C12orf43: variants seen among roughly 807,000 people sequenced by gnomAD.
The protein encoded by C12orf43 is chromosome 12 open reading frame 43.
In C12orf43, 15 loss-of-function variants were observed where a neutral mutation model predicts 20.6. The ratio of observed to expected loss-of-function variants is 0.73; its 90% CI spans 0.49 to 1.12. The LOEUF is 1.12. Among genes scored for constraint, C12orf43 ranks in the 50% most tolerant of loss-of-function variants. The pLI, the probability that C12orf43 is intolerant of heterozygous loss-of-function variation, is 0.00. For synonymous variants in C12orf43, 144 were observed against 130.8 expected (o/e 1.10, Z -0.69); for missense variants, 334 against 344.4 (o/e 0.97, Z 0.24).
Position 121,003,838 on chromosome 12 carries a change from G to T in C12orf43, c.*315C>A, listed in dbSNP as rs1257850119. ...AGGGAGATGGAGGTTTCACCACTTG[G>T]CCACTAGTCTCAAATAACTGGAAGG... On this transcript the variant is annotated 3_prime_UTR_variant, in exon 6 of 6. Coordinates refer to ENST00000288757, the MANE Select transcript of C12orf43 (RefSeq NM_022895.3). 4.9e-6 allele frequency: 2 copies of T among 411,414 alleles called. No homozygotes were observed. The highest frequency in any genetic ancestry group is 9.0e-6 in the Non-Finnish European group (2 of 222,926). The allele number at this position is 411,414 out of a possible 1,614,324, so 25.5% of individuals were successfully genotyped here. A position where few individuals can be genotyped will look rare whatever the true frequency, so the allele number is the denominator to read the frequency against.
chr12:121,003,620 CA>C lies in C12orf43; in HGVS notation c.*532del, dbSNP rs1274777337. 2 of 154,244 alleles carry C rather than the reference CA, an allele frequency of 1.3e-5. No homozygotes were observed. Among genetic ancestry groups the C allele is most frequent in the South Asian group, 2.0e-4 (1 of 4,938 alleles). 9.6% of individuals were successfully genotyped at this position (154,244 alleles called of 1,614,324 possible). ...GCAGACAAAGAAAATTCTAGAAAGC[CA>C]GGGGTGAAAAAGCTCTCCTTTCTCA... On this transcript the variant is annotated 3_prime_UTR_variant, in exon 6 of 6. Transcript: ENST00000288757.
rs1486041558 is a variant in C12orf43, at chr12:121,001,807, G to A, written c.*2346C>T. 1.9e-6 allele frequency: 1 copy of A among 535,918 alleles called. No individual in the cohort carries two copies. The highest frequency in any genetic ancestry group is 3.6e-6 in the Non-Finnish European group (1 of 276,236). The allele number at this position is 535,918 out of a possible 1,614,324, so 33.2% of individuals were successfully genotyped here. A position where few individuals can be genotyped will look rare whatever the true frequency, so the allele number is the denominator to read the frequency against. ...CTGGGGCTCTAACGCCTGAGCCCAG[G>A]GAGGCCGAAGCTAACAGGGAAGGCA... On this transcript the variant is annotated 3_prime_UTR_variant, in exon 6 of 6. Coordinates refer to ENST00000288757, the MANE Select transcript of C12orf43 (RefSeq NM_022895.3).
chr12:121,014,145 C>A (rs199681764), intron 1 of C12orf43, among the ~76,000 whole-genome samples: 80 of 151,192 alleles, frequency 5.3e-4, no homozygotes, highest in African/African-American at 1.9e-3. Context: ...CTGGCCAACA[C>A]GGTGAAACCC....
chr12:121,010,058 T>G (rs1017165814), intron 3 of C12orf43, among the ~76,000 whole-genome samples: 2 of 152,152 alleles, frequency 1.3e-5, no homozygotes, highest in Non-Finnish European at 2.9e-5. Context: ...TCCCAGCACT[T>G]TGGGAGGCCA....
chr12:121,005,970 ACTTTG>A lies in C12orf43; in HGVS notation c.361+346_361+350del. On this transcript the variant is annotated intron_variant, in intron 4 of 5. Coordinates refer to ENST00000288757, the MANE Select transcript of C12orf43 (RefSeq NM_022895.3). This position sits in a 1 kb window ranked among gnomAD's most constrained non-coding sequence, Gnocchi z 5.6. Reference sequence around the variant, plus strand: ...GGTGGTGCACGCCTGTAGTCCCAGAACTTTGGAAGGCTAAGGTGGGCAGATGGCTT... The same window carrying A: ...GGTGGTGCACGCCTGTAGTCCCAGAAGAAGGCTAAGGTGGGCAGATGGCTT... 1 of 205,126 alleles carries A rather than the reference ACTTTG, an allele frequency of 4.9e-6. No homozygotes were observed. 12.7% of individuals were successfully genotyped at this position (205,126 alleles called of 1,614,324 possible).
In C12orf43 at chr12:121,001,615, G is replaced by A. The variant is rs556081386; in HGVS notation, c.*2538C>T. On this transcript the variant is annotated 3_prime_UTR_variant, in exon 6 of 6. Transcript: ENST00000288757. Reference sequence around the variant, plus strand: ...GGCCTGTGTAGCTGTGACCTGCTGAGCTCTGAGAGGCCCTGGATCAGCGTG... The same window carrying A: ...GGCCTGTGTAGCTGTGACCTGCTGAACTCTGAGAGGCCCTGGATCAGCGTG... The A allele has an allele frequency of 9.8e-5, 43 of 440,492 alleles. 2 individuals are homozygous for A. The highest frequency in any genetic ancestry group is 7.5e-4 in the South Asian group (37 of 49,130). 27.3% of individuals were successfully genotyped at this position (440,492 alleles called of 1,614,324 possible). A position where few individuals can be genotyped will look rare whatever the true frequency, so the allele number is the denominator to read the frequency against.
intron 1 of C12orf43, among the ~76,000 whole-genome samples, chr12:121,012,214 G>C (rs1353261403): frequency 1.3e-5 from 2 of 152,184 alleles, no homozygotes; most frequent in Non-Finnish European, 2.9e-5. Context: ...CAGAGGGAAA[G>C]CATCTGCAAA....
intron 1 of C12orf43, among the ~76,000 whole-genome samples, chr12:121,014,075 C>T (rs1868642852): frequency 6.6e-6 from 1 of 152,204 alleles, no homozygotes; most frequent in African/African-American, 2.4e-5. Context: ...TGCCTGTAAT[C>T]TCAGCACTTT....
intron 3 of C12orf43, 168 bp from the exon 4 acceptor site, chr12:121,006,562 T>C: frequency 1.6e-6 from 1 of 622,916 alleles, no homozygotes; most frequent in Non-Finnish European, 2.9e-6. Context: ...CTGACCAGCC[T>C]CTGCCACGCG....
At position 121,000,886 on chromosome 12, in the gene C12orf43, C is replaced by T; in HGVS notation, c.*3267G>A. On this transcript the variant is annotated 3_prime_UTR_variant, in exon 6 of 6. Transcript: ENST00000288757. ...GCCACTCCATGGGCGGCCGTGGACC[C>T]TGGCTGGGAGGCTCCCTTTGAAGAA... 1.2e-6 allele frequency: 1 copy of T among 801,940 alleles called. No individual in the cohort carries two copies. Among genetic ancestry groups the T allele is most frequent in the South Asian group, 1.6e-5 (1 of 64,228 alleles). The allele number at this position is 801,940 out of a possible 1,614,324, so 49.7% of individuals were successfully genotyped here.
intron 1 of C12orf43, among the ~76,000 whole-genome samples, chr12:121,015,275 A>T (rs1868799671): frequency 6.6e-6 from 1 of 152,198 alleles, no homozygotes; most frequent in Admixed American, 6.5e-5. Flanking sequence ...AGAGGGGCAG[A>T]CTATGGTCTG....
In C12orf43 at chr12:121,000,920, A is replaced by C; in HGVS notation, c.*3233T>G. ...AGGCTCCCTTTGAAGAACCGAGGGT[A>C]GAGGTGTGACTTTGGGGTTCCTGTT... On this transcript the variant is annotated 3_prime_UTR_variant, in exon 6 of 6. Coordinates refer to ENST00000288757, the MANE Select transcript of C12orf43 (RefSeq NM_022895.3). The C allele has an allele frequency of 4.5e-6, 5 of 1,121,292 alleles. No homozygotes were observed. Among genetic ancestry groups the C allele is most frequent in the Non-Finnish European group, 6.6e-6 (5 of 761,584 alleles). The allele number at this position is 1,121,292 out of a possible 1,614,324, so 69.5% of individuals were successfully genotyped here.
In C12orf43 at chr12:121,004,477, G is replaced by C; in HGVS notation, c.465C>G (p.Asp155Glu). Residue 155 changes from aspartate to glutamate, a missense_variant, in exon 6 of 6, where the codon GAC becomes GAG. Coordinates refer to ENST00000288757, the MANE Select transcript of C12orf43 (RefSeq NM_022895.3). This position sits in a 1 kb window ranked among gnomAD's most constrained non-coding sequence, Gnocchi z 5.6. ...CCTCCCGGCACCGCCGCCACTCCTC[G>C]TCACTGTCCTCACTGCTGCAACGAG... Reference protein sequence around the residue: ...RQPSSSSEDSDEEWRRCREAA... With the variant: ...RQPSSSSEDSEEEWRRCREAA... 1 of 1,605,312 alleles carries C rather than the reference G, an allele frequency of 6.2e-7. No individual in the cohort carries two copies. Among genetic ancestry groups the C allele is most frequent in the Non-Finnish European group, 8.5e-7 (1 of 1,176,416 alleles).
At position 121,002,697 on chromosome 12, in the gene C12orf43, C is replaced by G. The variant is rs1285072983; in HGVS notation, c.*1456G>C. The G allele has an allele frequency of 3.1e-6, 1 of 323,594 alleles. No homozygotes were observed. The highest frequency in any genetic ancestry group is 6.0e-6 in the Non-Finnish European group (1 of 165,736). 20.0% of individuals were successfully genotyped at this position (323,594 alleles called of 1,614,324 possible). On this transcript the variant is annotated 3_prime_UTR_variant, in exon 6 of 6. Transcript: ENST00000288757. Reference sequence around the variant, plus strand: ...CAGATTTCATCTTAACCTCAAGCTTCTACTTTTTAAAAAAATTTTGTTTTG... The same window carrying G: ...CAGATTTCATCTTAACCTCAAGCTTGTACTTTTTAAAAAAATTTTGTTTTG...
chr12:121,016,253 C>G (rs749648671), intron 1 of C12orf43, 77 bp downstream of exon 1: 2 of 1,602,994 alleles, frequency 1.2e-6, no homozygotes, highest in African/African-American at 2.7e-5. Flanking sequence ...GTGACTCTCT[C>G]CTCACCATCC....
rs148588465 is a variant in C12orf43 at position 121,000,635 on chromosome 12, T to C, written c.*3518A>G. The C allele has an allele frequency of 4.3e-4, 101 of 235,460 alleles. No individual in the cohort carries two copies. Among genetic ancestry groups the C allele is most frequent in the African/African-American group, 2.2e-3 (96 of 44,270 alleles). The allele number at this position is 235,460 out of a possible 1,614,324, so 14.6% of individuals were successfully genotyped here. On this transcript the variant is annotated 3_prime_UTR_variant, in exon 6 of 6. Transcript: ENST00000288757. The stretch of plus-strand genomic sequence containing the variant: ...ATTCCTTCTCTGGGAAACCGGTTTT[T>C]GCTCTTACGGCCTTCCACTGATGTA...
In C12orf43 at chr12:121,006,316, C is replaced by G; in HGVS notation, c.361+5G>C. 6.2e-7 allele frequency: 1 copy of G among 1,611,892 alleles called. No individual in the cohort carries two copies. The highest frequency in any genetic ancestry group is 8.5e-7 in the Non-Finnish European group (1 of 1,178,036). The stretch of plus-strand genomic sequence containing the variant: ...TGATAGCTTCTATTAAGTATAACCA[C>G]TCACCATCATCCTCCAAAGCGACTT... On this transcript the variant is annotated splice_donor_5th_base_variant and intron_variant, in intron 4 of 5. Coordinates refer to ENST00000288757, the MANE Select transcript of C12orf43 (RefSeq NM_022895.3).
Position 121,002,455 on chromosome 12 carries a change from G to A in C12orf43, c.*1698C>T, listed in dbSNP as rs1354284833. ...CACCCCCTGCAGCTTGTAGCCAGCC[G>A]GGGCGAGTGGCACGTTTATTTAACT... On this transcript the variant is annotated 3_prime_UTR_variant, in exon 6 of 6. Coordinates refer to ENST00000288757, the MANE Select transcript of C12orf43 (RefSeq NM_022895.3). The A allele has an allele frequency of 4.3e-5, 23 of 529,122 alleles. No individual in the cohort carries two copies. The East Asian group carries it at 5.6e-4, about 13-fold the overall frequency. The allele number at this position is 529,122 out of a possible 1,614,324, so 32.8% of individuals were successfully genotyped here.
At chr12:121,012,421 T>C (rs1011506249) in intron 1 of C12orf43, 3 of 702,454 alleles carry the variant, frequency 4.3e-6, no homozygotes, top group Non-Finnish European at 7.8e-6. Flanking sequence ...AGAAGGGACA[T>C]AAACTGACCT....
Sources: gnomAD v4.1 joint callset for allele counts (sites outside exome capture counted in the v4.1 genomes callset) on GRCh38, gnomAD v4.1.1 for gene constraint, Gnocchi (gnomAD v3.1) non-coding constraint, MANE v1.5 for transcripts, NCBI Gene and HGNC (gene_info 2026-07-23, HGNC 2026-07-21) for gene names.